PCYT1A: variants seen among roughly 807,000 people sequenced by gnomAD.
PCYT1A encodes the protein choline-phosphate cytidylyltransferase A.
In PCYT1A, 25 loss-of-function variants were observed where a neutral mutation model predicts 43.7. The ratio of observed to expected loss-of-function variants is 0.57; its 90% CI spans 0.42 to 0.80. The LOEUF (loss-of-function observed/expected upper bound fraction) is 0.80. Ranked by LOEUF, PCYT1A falls within the 30% of genes least tolerant of loss-of-function variation. The probability of loss-of-function intolerance (pLI) is 0.00; values close to 1 mark genes in which losing one functional copy is unlikely to be tolerated. For missense variants in PCYT1A, 421 were observed against 474.2 expected (o/e 0.89, Z 1.04); for synonymous variants, 172 against 170.7 (o/e 1.01, Z -0.06).
At position 196,268,893 on chromosome 3, in the gene PCYT1A, G is replaced by A. The variant is rs374431197; in HGVS notation, c.117+1522C>T. ...TTATTCTGGTTTATCTGGGTATACC[G>A]AACGTAATCACAAGAGTCCTTGTAA... On this transcript the variant is annotated intron_variant, in intron 2 of 8. Transcript: ENST00000431016. The surrounding 1 kb of genome is among the most constrained non-coding windows in gnomAD (Gnocchi z 4.4). 2.4e-3 allele frequency among the ~76,000 whole-genome samples: 372 copies of A among 152,332 alleles called. No individual in the cohort carries two copies. The highest frequency in any genetic ancestry group is 8.5e-3 in the African/African-American group (355 of 41,570).
intron 3 of PCYT1A, among the ~76,000 whole-genome samples, chr3:196,257,029 C>A (rs997337096): frequency 2.6e-5 from 4 of 152,014 alleles, no homozygotes. Context: ...AGAGAGAACA[C>A]TTAGTAATCA....
Position 196,260,805 on chromosome 3 carries a change from G to A in PCYT1A, c.118-2918C>T, listed in dbSNP as rs570621170. On this transcript the variant is annotated intron_variant, in intron 2 of 8. Coordinates refer to ENST00000431016, the MANE Select transcript of PCYT1A (RefSeq NM_001312673.2). ...TGCAGTGAGCTGAGATTGTGCTACCGTACTCGTCTGGGAGATAGAGAAAGA... is the reference window on the plus strand; with the variant it reads ...TGCAGTGAGCTGAGATTGTGCTACCATACTCGTCTGGGAGATAGAGAAAGA... 9.8e-5 allele frequency among the ~76,000 whole-genome samples: 15 copies of A among 152,292 alleles called. 1 individual carries two copies. The South Asian group carries it at 1.2e-3, about 13-fold the overall frequency.
intron 3 of PCYT1A, 109 bp from the exon 4 acceptor site, chr3:196,248,432 C>A (rs758592605): frequency 8.4e-6 from 5 of 596,874 alleles, no homozygotes; most frequent in African/African-American, 5.6e-5. Context: ...AGTGCAGTGG[C>A]GTGATCTCGG....
chr3:196,283,167 G>A (rs1037231197), intron 1 of PCYT1A, among the ~76,000 whole-genome samples: 6 of 152,054 alleles, frequency 3.9e-5, no homozygotes, highest in East Asian at 1.9e-4. Flanking sequence ...ATGAAACCCC[G>A]TCTCTACTAA....
In PCYT1A at chr3:196,248,224, G is replaced by C; in HGVS notation, c.317C>G (p.Thr106Arg). ...LMQAKNLFPN[T>R]YLIVGVCSDE... Reference sequence around the variant, plus strand: ...TTTCTTACCTCCCACAATGAGGTACGTATTAGGGAAAAGGTTCTTCGCTTG... The same window carrying C: ...TTTCTTACCTCCCACAATGAGGTACCTATTAGGGAAAAGGTTCTTCGCTTG... Residue 106 changes from threonine (T) to arginine (R), a missense_variant, in exon 4 of 9, where the codon ACG becomes AGG. By Grantham distance (71) the Thr-to-Arg change is moderately conservative. Around this residue, in one of 3 missense-constraint regions of PCYT1A, gnomAD observed 174 missense variants for 270.7 expected, o/e 0.64. Coordinates refer to ENST00000431016, the MANE Select transcript of PCYT1A (RefSeq NM_001312673.2). The C allele has an allele frequency of 1.3e-6, 2 of 1,597,830 alleles. No homozygotes were observed. Among genetic ancestry groups the C allele is most frequent in the Non-Finnish European group, 1.7e-6 (2 of 1,165,082 alleles).
chr3:196,265,531 T>G (rs896388972), intron 2 of PCYT1A, among the ~76,000 whole-genome samples: 10 of 152,284 alleles, frequency 6.6e-5, no homozygotes, highest in African/African-American at 2.4e-4. Flanking sequence ...TTTGTCTCTT[T>G]TCTATCCATT....
chr3:196,241,893 G>A (rs1465369532), intron 7 of PCYT1A, 55 bp downstream of exon 7: 1 of 1,594,832 alleles, frequency 6.3e-7, no homozygotes, highest in South Asian at 1.1e-5. Flanking sequence ...GATGGAGTGG[G>A]AGGTGATATG....
At chr3:196,246,456 G>C (rs1325670590) in intron 5 of PCYT1A, among the ~76,000 whole-genome samples, 2 of 150,600 alleles carry the variant, frequency 1.3e-5, no homozygotes, top group African/African-American at 2.4e-5. Context: ...GGCTGGTCTT[G>C]AGCTCCTGGG....
chr3:196,246,390 G>T (rs1435996806), intron 5 of PCYT1A, among the ~76,000 whole-genome samples: 1 of 151,656 alleles, frequency 6.6e-6, no homozygotes, highest in Non-Finnish European at 1.5e-5. Context: ...CCTTTTGCAG[G>T]AAACCTGTGG....
chr3:196,280,970 C>T (rs1450271665), intron 1 of PCYT1A, among the ~76,000 whole-genome samples: 2 of 152,182 alleles, frequency 1.3e-5, no homozygotes, highest in Non-Finnish European at 2.9e-5. Context: ...CTAACTCAAA[C>T]TTGACCAATT....
chr3:196,259,893 G>T (rs1577365706), intron 2 of PCYT1A, among the ~76,000 whole-genome samples: 1 of 129,376 alleles, frequency 7.7e-6, no homozygotes, highest in Non-Finnish European at 1.6e-5. Flanking sequence ...TATACTTAAT[G>T]ATATAAATGG....
chr3:196,254,686 C>G (rs905850761), intron 3 of PCYT1A, among the ~76,000 whole-genome samples: 42 of 152,192 alleles, frequency 2.8e-4, no homozygotes, highest in Non-Finnish European at 7.3e-5. Context: ...CTTTCATGCT[C>G]AAAACCGTCC....
intron 7 of PCYT1A, chr3:196,241,398 G>T: frequency 3.6e-6 from 2 of 559,252 alleles, no homozygotes; most frequent in Non-Finnish European, 5.7e-6. Flanking sequence ...GTTGCCCCCA[G>T]ACTGGTCTCA....
At chr3:196,263,226 A>AT (rs924444352) in intron 2 of PCYT1A, among the ~76,000 whole-genome samples, 2 of 151,678 alleles carry the variant, frequency 1.3e-5, no homozygotes, top group Non-Finnish European at 2.9e-5. Flanking sequence ...TATTTTTTTT[A>AT]TTTTTTAAGA....
At chr3:196,286,779 T>C (rs1725925109) in intron 1 of PCYT1A, among the ~76,000 whole-genome samples, 1 of 152,208 alleles carries the variant, frequency 6.6e-6, no homozygotes, top group South Asian at 2.1e-4. Context: ...CCGGGCGTGG[T>C]GGCGCATGCC....
At chr3:196,272,664 GTCT>G (rs1198438902) in intron 1 of PCYT1A, among the ~76,000 whole-genome samples, 1 of 152,028 alleles carries the variant, frequency 6.6e-6, no homozygotes, top group Non-Finnish European at 1.5e-5. Flanking sequence ...CTCTTTCAGG[GTCT>G]TAACACCTCA....
intron 2 of PCYT1A, among the ~76,000 whole-genome samples, chr3:196,262,855 C>T (rs887967120): frequency 1.4e-5 from 2 of 147,886 alleles, no homozygotes; most frequent in East Asian, 2.0e-4. Context: ...AGTGCAGTGG[C>T]GCGATCTCAG....
In PCYT1A at chr3:196,239,981, G is replaced by C. The variant is rs117234678; in HGVS notation, c.709-246C>G. 6.6e-6 allele frequency: 3 copies of C among 455,494 alleles called. No homozygotes were observed. In the East Asian group the frequency reaches 1.0e-4, roughly 15 times the overall value. The allele number at this position is 455,494 out of a possible 1,614,324, so 28.2% of individuals were successfully genotyped here. ...AAACTAAAAATATAGGCTATACCCA[G>C]TAACAGGCACGTAGCCAAATAAAGT... On this transcript the variant is annotated intron_variant, in intron 7 of 8. Coordinates refer to ENST00000431016, the MANE Select transcript of PCYT1A (RefSeq NM_001312673.2).
chr3:196,285,734 G>A (rs1472276979), intron 1 of PCYT1A, among the ~76,000 whole-genome samples: 2 of 152,132 alleles, frequency 1.3e-5, no homozygotes, highest in Non-Finnish European at 2.9e-5. Flanking sequence ...TTGACACTGC[G>A]AGTGTCATCA....
Sources: gnomAD v4.1 joint callset for allele counts (sites outside exome capture counted in the v4.1 genomes callset) on GRCh38, gnomAD v4.1.1 for gene constraint, gnomAD v4.1.1 regional missense constraint, Gnocchi (gnomAD v3.1) non-coding constraint, MANE v1.5 for transcripts, NCBI Gene and HGNC (gene_info 2026-07-23, HGNC 2026-07-21) for gene names.